The following ZNF461 variants were observed in gnomAD, a reference collection of about 807,000 sequenced individuals.
ZNF461 encodes the protein zinc finger protein 461, also known as gonadotropin-inducible ovarian transcription factor-1.
ZNF461 carries 16 observed loss-of-function variants against 18.3 expected under a neutral mutation model. That is an observed-to-expected ratio of 0.88 (90% CI 0.59 to 1.33). The LOEUF is 1.33. ZNF461 is among the 40% of genes most tolerant of loss of function. The probability of loss-of-function intolerance (pLI) is 0.00; values close to 1 mark genes in which losing one functional copy is unlikely to be tolerated. For synonymous variants in ZNF461, 179 were observed against 216.9 expected (o/e 0.83, Z 1.54); for missense variants, 595 against 669.9 (o/e 0.89, Z 1.23).
chr19:36,643,993 C>A, intron 4 of ZNF461, 131 bp from the exon 5 acceptor site: 1 of 707,712 alleles, frequency 1.4e-6, no homozygotes, highest in Non-Finnish European at 2.0e-6. Context: ...AGTGCAATCA[C>A]ACAATCTCAG....
rs2037365963 is a variant in ZNF461 at position 36,639,227 on chromosome 19, G to A, written c.1118C>T (p.Thr373Ile). The A allele has an allele frequency of 6.2e-7, 1 of 1,613,936 alleles. No homozygotes were observed. Among genetic ancestry groups the A allele is most frequent in the African/African-American group, 1.3e-5 (1 of 74,896 alleles). The change falls in exon 6 of 6, where the codon ACT becomes ATT. Residue 373 changes from threonine (T) to isoleucine (I), a missense_variant. Thr to Ile is a moderately conservative substitution (Grantham distance 89, BLOSUM62 -1). Transcript: ENST00000588268. ...ACCAGTATGAATTCTCTGATGTATA[G>A]TAAGATGTGAGCGATGCCTAAAAGT... ...GKTFRHRSHL[T>I]IHQRIHTGEK... is the part of the protein sequence containing the mutation.
intron 1 of ZNF461, among the ~76,000 whole-genome samples, chr19:36,665,933 G>C (rs1391961435): frequency 6.6e-6 from 1 of 151,928 alleles, no homozygotes; most frequent in South Asian, 2.1e-4. Flanking sequence ...ATGGATGAAT[G>C]ACAGATCTCT....
In ZNF461 at chr19:36,638,853, C is replaced by T. The variant is rs760780329; in HGVS notation, c.1492G>A (p.Glu498Lys). 13 of 1,613,866 alleles carry T rather than the reference C, an allele frequency of 8.1e-6. No homozygotes were observed. The highest frequency in any genetic ancestry group is 9.3e-6 in the Non-Finnish European group (11 of 1,179,966). The change falls in exon 6 of 6, where the codon GAA becomes AAA. Residue 498 changes from glutamate to lysine, a missense_variant. Physicochemically the swap from Glu to Lys is moderately conservative, Grantham distance 56. Transcript: ENST00000588268. Reference protein sequence around the residue: ...QRIHTGEKPYECKECGKAFSY... With the variant: ...QRIHTGEKPYKCKECGKAFSY... Reference sequence around the variant, plus strand: ...AAGGCCTTCCCACATTCCTTACATTCATAGGGTTTCTCACCAGTATGAATT... The same window carrying T: ...AAGGCCTTCCCACATTCCTTACATTTATAGGGTTTCTCACCAGTATGAATT...
chr19:36,655,545 G>A (rs1015787216), intron 4 of ZNF461, among the ~76,000 whole-genome samples: 1 of 152,182 alleles, frequency 6.6e-6, no homozygotes, highest in East Asian at 1.9e-4. Context: ...GTTGCAGTGA[G>A]CTGAGTTTGC....
At chr19:36,640,547 C>T (rs2145364200) in intron 5 of ZNF461, among the ~76,000 whole-genome samples, 1 of 152,274 alleles carries the variant, frequency 6.6e-6, no homozygotes, top group Non-Finnish European at 1.5e-5. Context: ...GCTGAGAATG[C>T]CATGCAACTG....
At chr19:36,641,091 A>AT (rs1042067287) in intron 5 of ZNF461, among the ~76,000 whole-genome samples, 121 of 152,266 alleles carry the variant, frequency 7.9e-4, no homozygotes, top group African/African-American at 2.9e-3. Flanking sequence ...TTTTGCCTAG[A>AT]TTTTTTGTAT....
chr19:36,642,085 G>A (rs1464831), intron 5 of ZNF461, among the ~76,000 whole-genome samples: 53,082 of 151,742 alleles, frequency 0.35, 9,418 homozygotes, highest in East Asian at 0.57. Flanking sequence ...GTGCCACTAT[G>A]CCCTGCTAAT....
chr19:36,664,015 A>G (rs3108546), intron 2 of ZNF461, among the ~76,000 whole-genome samples: 102,190 of 152,052 alleles, frequency 0.67, 34,684 homozygotes, highest in East Asian at 0.82. Flanking sequence ...AATGCCTGTC[A>G]CATAGTAGGT....
In ZNF461 at chr19:36,636,947, G is replaced by C. The variant is rs894771440; in HGVS notation, c.*1706C>G. 1.1e-4 allele frequency among the ~76,000 whole-genome samples: 16 copies of C among 152,144 alleles called. 1 individual carries two copies. Among genetic ancestry groups the C allele is most frequent in the Admixed American group, 3.9e-4 (6 of 15,270 alleles). On this transcript the variant is annotated 3_prime_UTR_variant, in exon 6 of 6. Coordinates refer to ENST00000588268, the MANE Select transcript of ZNF461 (RefSeq NM_153257.5). ...TTGAGCACAGTGTTTATAGATAAGA[G>C]AGCAGGTCACACTCTGGTCATAGGA... is the stretch of plus-strand genomic sequence containing the variant.
chr19:36,639,065 T>C lies in ZNF461; in HGVS notation c.1280A>G (p.Gln427Arg). Residue 427 changes from glutamine to arginine, a missense_variant, in exon 6 of 6, where the codon CAA (glutamine) becomes CGA (arginine). Gln to Arg is a conservative substitution (Grantham distance 43). Transcript: ENST00000588268. ...ECGKAFCDGL[Q>R]LTLHQRIHTG... The stretch of plus-strand genomic sequence containing the variant: ...ATGAATCCTCTGATGTAGGGTTAGT[T>C]GTAAGCCATCACAAAAAGCCTTCCC... 6.2e-7 allele frequency: 1 copy of C among 1,613,662 alleles called. No homozygotes were observed.
At chr19:36,656,872 T>A (rs977355504) in intron 3 of ZNF461, among the ~76,000 whole-genome samples, 2 of 150,864 alleles carry the variant, frequency 1.3e-5, no homozygotes, top group Admixed American at 1.3e-4. Flanking sequence ...CAGGCTGGAG[T>A]GCAATGGCAC....
chr19:36,651,797 A>C (rs1193831157), intron 4 of ZNF461, among the ~76,000 whole-genome samples: 1 of 152,244 alleles, frequency 6.6e-6, no homozygotes, highest in East Asian at 1.9e-4. Flanking sequence ...TGAAAATCTA[A>C]GCAAATTTTT....
chr19:36,656,402 C>T, intron 4 of ZNF461, 46 bp downstream of exon 4: 1 of 1,492,996 alleles, frequency 6.7e-7, no homozygotes, highest in African/African-American at 1.4e-5. Flanking sequence ...ACATTCTGAC[C>T]AGCTGGCCTG....
chr19:36,637,095 T>C lies in ZNF461; in HGVS notation c.*1558A>G, dbSNP rs1266515412. On this transcript the variant is annotated 3_prime_UTR_variant, in exon 6 of 6. Coordinates refer to ENST00000588268, the MANE Select transcript of ZNF461 (RefSeq NM_153257.5). Reference sequence around the variant, plus strand: ...CCACAAGCCCTTTTCCCAACAGTTCTACCAAAAGTAACTTCCACTCACATT... The same window carrying C: ...CCACAAGCCCTTTTCCCAACAGTTCCACCAAAAGTAACTTCCACTCACATT... 6.6e-6 allele frequency: 1 copy of C among 152,240 alleles called. No individual in the cohort carries two copies. Among genetic ancestry groups the C allele is most frequent in the Non-Finnish European group, 1.5e-5 (1 of 68,044 alleles). The allele number at this position is 152,240 out of a possible 1,614,324, so 9.4% of individuals were successfully genotyped here.
intron 2 of ZNF461, 56 bp downstream of exon 2, chr19:36,664,642 A>G: frequency 6.9e-7 from 1 of 1,459,816 alleles, no homozygotes; most frequent in Admixed American, 2.6e-5. Flanking sequence ...AAAAAACAAA[A>G]ACAAACAAAC....
chr19:36,651,199 C>T (rs894481391), intron 4 of ZNF461, among the ~76,000 whole-genome samples: 1 of 146,442 alleles, frequency 6.8e-6, no homozygotes, highest in African/African-American at 2.5e-5. Flanking sequence ...TCACTGGACT[C>T]CAGCCTGGGG....
chr19:36,643,921 A>G, intron 4 of ZNF461, 59 bp from the exon 5 acceptor site: 13 of 1,289,134 alleles, frequency 1.0e-5, no homozygotes, highest in Non-Finnish European at 1.3e-5. Flanking sequence ...TTATACAATA[A>G]AAAGAGAATA....
rs139837080 is a variant in ZNF461 at position 36,660,385 on chromosome 19, A to G, written c.10-1960T>C. Among the ~76,000 whole-genome samples, 6 of 151,884 alleles carry G rather than the reference A, an allele frequency of 4.0e-5. No homozygotes were observed. The East Asian group carries it at 7.8e-4, about 20-fold the overall frequency. ...GGCTAGTCTCAAACTCCTGACCTCA[A>G]ATGATCCACCTGCCTCAGCCTCCCA... On this transcript the variant is annotated intron_variant, in intron 2 of 5. Coordinates refer to ENST00000588268, the MANE Select transcript of ZNF461 (RefSeq NM_153257.5).
intron 2 of ZNF461, among the ~76,000 whole-genome samples, chr19:36,659,153 G>A (rs764989147): frequency 6.6e-6 from 1 of 152,118 alleles, no homozygotes; most frequent in East Asian, 1.9e-4. Context: ...CTCCATGGGA[G>A]AGCTCATGAG....
Sources: gnomAD v4.1 joint callset for allele counts (sites outside exome capture counted in the v4.1 genomes callset) on GRCh38, gnomAD v4.1.1 for gene constraint, MANE v1.5 for transcripts, NCBI Gene and HGNC (gene_info 2026-07-23, HGNC 2026-07-21) for gene names.